The following SPOCK3 variants were observed in gnomAD, a reference collection of about 807,000 sequenced individuals.
SPOCK3 encodes SPARC (osteonectin), cwcv and kazal like domains proteoglycan 3, also known as testican-3.
A neutral mutation model predicts 56.6 loss-of-function variants in SPOCK3; 30 were observed. That is an observed-to-expected ratio of 0.53 (90% CI 0.40 to 0.72). The LOEUF (loss-of-function observed/expected upper bound fraction) is 0.72, where lower values mean the gene tolerates loss of function less well. SPOCK3 is among the 30% of genes least tolerant of loss of function. SPOCK3 has a pLI of 0.00. For missense variants in SPOCK3, 527 were observed against 530.0 expected (o/e 0.99, Z 0.06); for synonymous variants, 196 against 183.3 (o/e 1.07, Z -0.56).
intron 4 of SPOCK3, among the ~76,000 whole-genome samples, chr4:166,930,826 AT>A (rs140496792): frequency 5.6e-4 from 85 of 152,310 alleles, no homozygotes; most frequent in African/African-American, 1.9e-3. Flanking sequence ...ACTTTTTAAA[AT>A]TAAGTTTTAA....
At chr4:167,231,841 T>C (rs1395677841) in intron 2 of SPOCK3, among the ~76,000 whole-genome samples, 3 of 152,126 alleles carry the variant, frequency 2.0e-5, no homozygotes, top group Non-Finnish European at 4.4e-5. Flanking sequence ...ATCCGCTCCA[T>C]TCCCTCCAGA....
chr4:167,099,740 TG>T (rs1759472189), intron 2 of SPOCK3, among the ~76,000 whole-genome samples: 1 of 152,114 alleles, frequency 6.6e-6, no homozygotes, highest in Non-Finnish European at 1.5e-5. Context: ...AAAAGAACAC[TG>T]GGTTGGCATT....
intron 2 of SPOCK3, among the ~76,000 whole-genome samples, chr4:167,094,532 C>A (rs1030328601): frequency 1.3e-5 from 2 of 151,994 alleles, no homozygotes; most frequent in African/African-American, 4.8e-5. Flanking sequence ...ACAATCATAT[C>A]AATTAATGCT....
chr4:166,868,621 A>G lies in SPOCK3; in HGVS notation c.589+20509T>C, dbSNP rs1355618712. ...GTATAGATCATAAAATAAATCCAGG[A>G]AAACTCACATTTCTCTGAGAAACAG... On this transcript the variant is annotated intron_variant, in intron 6 of 10. Coordinates refer to ENST00000357545, the MANE Select transcript of SPOCK3 (RefSeq NM_001040159.2). 2.6e-5 allele frequency among the ~76,000 whole-genome samples: 4 copies of G among 152,138 alleles called. No individual in the cohort carries two copies. In the East Asian group the frequency reaches 7.7e-4, roughly 29 times the overall value.
chr4:167,186,209 T>A (rs1731940366), intron 2 of SPOCK3, among the ~76,000 whole-genome samples: 1 of 152,140 alleles, frequency 6.6e-6, no homozygotes, highest in Non-Finnish European at 1.5e-5. Context: ...ACTAGAAACC[T>A]AAGTGCAAAA....
At chr4:166,854,067 A>G (rs1401204918) in intron 6 of SPOCK3, among the ~76,000 whole-genome samples, 4 of 152,206 alleles carry the variant, frequency 2.6e-5, no homozygotes, top group Non-Finnish European at 5.9e-5. Flanking sequence ...AACTTCACAT[A>G]GCTCAACTCA....
At chr4:166,889,279 G>T in intron 5 of SPOCK3, 35 bp from the exon 6 acceptor site, 1 of 1,330,594 alleles carries the variant, frequency 7.5e-7, no homozygotes, top group Non-Finnish European at 1.1e-6. Context: ...TAATTCAAAT[G>T]CTTTAGTTAT....
At chr4:166,869,171 G>A (rs79529471) in intron 6 of SPOCK3, among the ~76,000 whole-genome samples, 1 of 129,966 alleles carries the variant, frequency 7.7e-6, no homozygotes. Context: ...TGATCTTGCA[G>A]GATCAGCAGG....
chr4:166,890,335 C>T (rs941333254), intron 5 of SPOCK3, among the ~76,000 whole-genome samples: 1 of 151,880 alleles, frequency 6.6e-6, no homozygotes, highest in Non-Finnish European at 1.5e-5. Context: ...CTCAAATGCT[C>T]TCAGCCTCAA....
chr4:167,016,970 A>C (rs36091699), intron 3 of SPOCK3, among the ~76,000 whole-genome samples: 15 of 152,162 alleles, frequency 9.9e-5, no homozygotes, highest in African/African-American at 3.1e-4. Context: ...TATTCTATGG[A>C]ATGGAATGGA....
At chr4:167,210,213 CTT>C (rs1734739392) in intron 2 of SPOCK3, among the ~76,000 whole-genome samples, 1 of 152,126 alleles carries the variant, frequency 6.6e-6, no homozygotes, top group African/African-American at 2.4e-5. Context: ...ACCTCTATAA[CTT>C]TGCATGTGTA....
chr4:167,224,169 A>AT (rs1244730172), intron 2 of SPOCK3, among the ~76,000 whole-genome samples: 2 of 152,028 alleles, frequency 1.3e-5, no homozygotes, highest in East Asian at 1.9e-4. Context: ...TCTAACACAT[A>AT]TTTTTTCATT....
At chr4:167,184,768 G>A (rs2110790434) in intron 2 of SPOCK3, among the ~76,000 whole-genome samples, 1 of 152,254 alleles carries the variant, frequency 6.6e-6, no homozygotes, top group East Asian at 1.9e-4. Flanking sequence ...TTTGGAAGCT[G>A]AGACTCTGAA....
At chr4:167,148,001 G>A (rs763011763) in intron 2 of SPOCK3, among the ~76,000 whole-genome samples, 3 of 151,988 alleles carry the variant, frequency 2.0e-5, no homozygotes, top group Non-Finnish European at 4.4e-5. Flanking sequence ...AAATACTGCC[G>A]ATAAAACAAT....
chr4:167,021,089 G>T (rs567083724), intron 3 of SPOCK3, among the ~76,000 whole-genome samples: 1 of 152,090 alleles, frequency 6.6e-6, no homozygotes, highest in East Asian at 1.9e-4. Flanking sequence ...TTATTATGCT[G>T]TGTCACTCAT....
chr4:166,991,050 T>G (rs886205690), intron 4 of SPOCK3, among the ~76,000 whole-genome samples: 4 of 152,156 alleles, frequency 2.6e-5, no homozygotes, highest in Non-Finnish European at 5.9e-5. Flanking sequence ...TTACAGCTTG[T>G]GGATCCAGTA....
At chr4:167,058,752 A>G (rs1257669703) in intron 3 of SPOCK3, among the ~76,000 whole-genome samples, 2 of 152,200 alleles carry the variant, frequency 1.3e-5, no homozygotes, top group Non-Finnish European at 2.9e-5. Context: ...TTCAAACTAT[A>G]CTACAAGGCT....
chr4:166,802,757 A>C (rs1560874457), intron 6 of SPOCK3, among the ~76,000 whole-genome samples: 1 of 152,162 alleles, frequency 6.6e-6, no homozygotes, highest in Non-Finnish European at 1.5e-5. Flanking sequence ...AATCTAAAGC[A>C]GGATATATAT....
intron 2 of SPOCK3, among the ~76,000 whole-genome samples, chr4:167,064,988 A>G (rs1451797704): frequency 2.9e-5 from 4 of 139,042 alleles, no homozygotes; most frequent in African/African-American, 1.1e-4. Context: ...ATTTCTTACA[A>G]ACAGCCATAA....
Sources: allele counts gnomAD v4.1 joint callset (sites outside exome capture counted in the v4.1 genomes callset), GRCh38; gene constraint gnomAD v4.1.1; transcripts MANE v1.5; gene names NCBI Gene and HGNC (gene_info 2026-07-23, HGNC 2026-07-21).